The following PNPLA3 variants were observed in gnomAD, a reference collection of about 807,000 sequenced individuals.
The protein encoded by PNPLA3 is patatin like domain 3, 1-acylglycerol-3-phosphate O-acyltransferase.
Under a neutral mutation model 43.1 loss-of-function variants are expected in PNPLA3, and 42 were observed. The observed-to-expected ratio is 0.97, with a 90% CI of 0.76 to 1.26. The LOEUF (loss-of-function observed/expected upper bound fraction) is 1.26, where lower values mean the gene tolerates loss of function less well. Ranked by LOEUF, PNPLA3 falls within the 50% of genes most tolerant of loss-of-function variation. PNPLA3 has a pLI of 0.00. For synonymous variants in PNPLA3, 272 were observed against 253.6 expected, an observed-to-expected ratio of 1.07 and a Z score of -0.69; for missense variants, 647 against 621.4, an observed-to-expected ratio of 1.04 and a Z score of -0.44.
intron 7 of PNPLA3, among the ~76,000 whole-genome samples, chr22:43,941,659 G>T (rs564270815): frequency 1.3e-5 from 2 of 152,176 alleles, no homozygotes; most frequent in Non-Finnish European, 1.5e-5. Flanking sequence ...TTAGGCCAGG[G>T]CACTGCAATT....
At chr22:43,944,557 A>G (rs375015845) in intron 7 of PNPLA3, 134 bp from the exon 8 acceptor site, 18 of 703,542 alleles carry the variant, frequency 2.6e-5, no homozygotes, top group East Asian at 5.2e-5. Flanking sequence ...TCCTTGTCCT[A>G]GCATCCCAGA....
In PNPLA3 at chr22:43,946,712, G is replaced by T; in HGVS notation, c.*330G>T. The T allele has an allele frequency of 1.8e-6, 1 of 547,528 alleles. No homozygotes were observed. Among genetic ancestry groups the T allele is most frequent in the Non-Finnish European group, 3.6e-6 (1 of 279,630 alleles). The allele number at this position is 547,528 out of a possible 1,614,324, so 33.9% of individuals were successfully genotyped here. A position where few individuals can be genotyped will look rare whatever the true frequency, so the allele number is the denominator to read the frequency against. The stretch of plus-strand genomic sequence containing the variant: ...GCATGAGGTTCTTAGAATGACAGGT[G>T]TTTGGATGGGTGGGGGCCTTGTGAT... On this transcript the variant is annotated 3_prime_UTR_variant, in exon 9 of 9. Coordinates refer to ENST00000216180, the MANE Select transcript of PNPLA3 (RefSeq NM_025225.3).
chr22:43,934,704 A>C, intron 5 of PNPLA3, 38 bp downstream of exon 5: 1 of 1,559,666 alleles, frequency 6.4e-7, no homozygotes, highest in Non-Finnish European at 8.8e-7. Flanking sequence ...TGCCCTTTTG[A>C]CAAGCATTTA....
chr22:43,933,489 C>T (rs1386674267), intron 4 of PNPLA3, among the ~76,000 whole-genome samples: 1 of 152,154 alleles, frequency 6.6e-6, no homozygotes, highest in Non-Finnish European at 1.5e-5. Context: ...TGGGTTCAAG[C>T]AGTCCTCCCA....
intron 2 of PNPLA3, among the ~76,000 whole-genome samples, chr22:43,927,487 C>G (rs2049931835): frequency 3.5e-5 from 2 of 57,684 alleles, no homozygotes; most frequent in African/African-American, 1.4e-4. Context: ...GAGATGCTGT[C>G]TGGAAAAAAA....
At chr22:43,925,593 C>T (rs1437191532) in intron 1 of PNPLA3, among the ~76,000 whole-genome samples, 1 of 152,080 alleles carries the variant, frequency 6.6e-6, no homozygotes, top group African/African-American at 2.4e-5. Flanking sequence ...GAAGCCCTGC[C>T]ATTGGGTAGG....
Position 43,947,379 on chromosome 22 carries a change from A to C in PNPLA3, c.*997A>C, listed in dbSNP as rs962322685. On this transcript the variant is annotated 3_prime_UTR_variant, in exon 9 of 9. Coordinates refer to ENST00000216180, the MANE Select transcript of PNPLA3 (RefSeq NM_025225.3). ...TGACTCAAAAAAAAAAAATTTAAAA[A>C]ACAAAATAATCTAGTGTGCAGGGCA... 4 of 153,298 alleles carry C rather than the reference A, an allele frequency of 2.6e-5. No homozygotes were observed. Among genetic ancestry groups the C allele is most frequent in the South Asian group, 4.1e-4 (2 of 4,820 alleles). 9.5% of individuals were successfully genotyped at this position (153,298 alleles called of 1,614,324 possible).
At chr22:43,943,189 A>G (rs902384401) in intron 7 of PNPLA3, among the ~76,000 whole-genome samples, 1 of 151,794 alleles carries the variant, frequency 6.6e-6, no homozygotes, top group Non-Finnish European at 1.5e-5. Context: ...TTCTCTTGGA[A>G]TATTTGCTGT....
At chr22:43,939,309 T>C (rs769522665) in intron 6 of PNPLA3, 2 of 853,470 alleles carry the variant, frequency 2.3e-6, no homozygotes, top group Non-Finnish European at 2.8e-6. Context: ...CCTCATGACT[T>C]ACACACCATT....
intron 7 of PNPLA3, among the ~76,000 whole-genome samples, chr22:43,941,480 G>A (rs144810095): frequency 1.6e-4 from 24 of 152,278 alleles, no homozygotes; most frequent in East Asian, 1.5e-3. Flanking sequence ...GCAGCTTCCC[G>A]TCTAGAGAGA....
intron 8 of PNPLA3, among the ~76,000 whole-genome samples, chr22:43,945,045 A>G (rs1406183634): frequency 6.6e-6 from 1 of 152,196 alleles, no homozygotes; most frequent in Non-Finnish European, 1.5e-5. Context: ...CTTTGAGTGC[A>G]GCATTGATGG....
chr22:43,934,004 G>A (rs533891294), intron 4 of PNPLA3, among the ~76,000 whole-genome samples: 4 of 152,050 alleles, frequency 2.6e-5, no homozygotes, highest in Non-Finnish European at 5.9e-5. Flanking sequence ...GGCTTATTCC[G>A]GGACCAAGGG....
chr22:43,923,894 CG>C lies in PNPLA3; in HGVS notation c.-17del. ...CGACCCAGATCCTAACCCGCGCCCC[CG>C]CCCCGCCGCCGCCGCCATGTACGAC... is the stretch of plus-strand genomic sequence containing the variant. On this transcript the variant is annotated 5_prime_UTR_variant, in exon 1 of 9. Coordinates refer to ENST00000216180, the MANE Select transcript of PNPLA3 (RefSeq NM_025225.3). 1 of 1,495,958 alleles carries C rather than the reference CG, an allele frequency of 6.7e-7. No homozygotes were observed. The highest frequency in any genetic ancestry group is 1.3e-5 in the South Asian group (1 of 77,330). 92.7% of individuals were successfully genotyped at this position (1,495,958 alleles called of 1,614,324 possible).
intron 5 of PNPLA3, among the ~76,000 whole-genome samples, 160 bp downstream of exon 5, chr22:43,934,826 TC>T: frequency 6.6e-6 from 1 of 152,012 alleles, no homozygotes; most frequent in Non-Finnish European, 1.5e-5. Context: ...GAAATCTCCG[TC>T]CCATTGTACA....
In PNPLA3 at chr22:43,935,307, T is replaced by A. The variant is rs117377334; in HGVS notation, c.757+641T>A. Among the ~76,000 whole-genome samples the A allele has an allele frequency of 7.7e-4, 117 of 152,332 alleles. 1 individual carries two copies. The East Asian group carries it at 0.019, about 25-fold the overall frequency. On this transcript the variant is annotated intron_variant, in intron 5 of 8. Coordinates refer to ENST00000216180, the MANE Select transcript of PNPLA3 (RefSeq NM_025225.3). ...TGCATTTTTAAGGACATATGTGTAT[T>A]TATCTGCTCAGAAAATGTTCATTGC... is the stretch of plus-strand genomic sequence containing the variant.
chr22:43,935,061 A>G (rs527447540), intron 5 of PNPLA3, among the ~76,000 whole-genome samples: 21 of 152,220 alleles, frequency 1.4e-4, no homozygotes, highest in East Asian at 3.9e-4. Context: ...AAATGAAGCA[A>G]TCAGATTTCT....
At chr22:43,944,620 A>G in intron 7 of PNPLA3, 71 bp from the exon 8 acceptor site, 1 of 1,297,716 alleles carries the variant, frequency 7.7e-7, no homozygotes, top group Non-Finnish European at 1.1e-6. Flanking sequence ...GCTTTTGTAA[A>G]CAAAGGGTAG....
At chr22:43,945,702 C>T (rs1352460854) in intron 8 of PNPLA3, among the ~76,000 whole-genome samples, 1 of 152,082 alleles carries the variant, frequency 6.6e-6, no homozygotes, top group East Asian at 1.9e-4. Context: ...GCAAGGGGGG[C>T]TGCCAGGGCC....
intron 2 of PNPLA3, among the ~76,000 whole-genome samples, chr22:43,927,806 G>C (rs1569009483): frequency 6.6e-6 from 1 of 152,072 alleles, no homozygotes; most frequent in Non-Finnish European, 1.5e-5. Context: ...ACGGGGTTTT[G>C]CCCTGTTGCC....
Sources: gnomAD v4.1 joint callset for allele counts (sites outside exome capture counted in the v4.1 genomes callset) on GRCh38, gnomAD v4.1.1 for gene constraint, MANE v1.5 for transcripts, NCBI Gene and HGNC (gene_info 2026-07-23, HGNC 2026-07-21) for gene names.